The following MAML2 variants were observed in gnomAD, a reference collection of about 807,000 sequenced individuals.
MAML2 encodes mastermind-like protein 2.
Under a neutral mutation model 96.1 loss-of-function variants are expected in MAML2, and 22 were observed. That is an observed-to-expected ratio of 0.23 (90% CI 0.16 to 0.33). MAML2 has a LOEUF of 0.33. MAML2 is among the 10% of genes least tolerant of loss of function. The pLI, the probability that MAML2 is intolerant of heterozygous loss-of-function variation, is 1.00. For missense variants in MAML2, 1,367 were observed against 1,392.4 expected (o/e 0.98, Z 0.29); for synonymous variants, 561 against 521.3 (o/e 1.08, Z -1.04).
rs36084804 is a variant in MAML2 at position 96,342,193 on chromosome 11, A to AT, written c.-299dup. The AT allele has an allele frequency of 1.3e-4, 59 of 468,186 alleles. No individual in the cohort carries two copies. The highest frequency in any genetic ancestry group is 2.6e-4 in the Admixed American group (7 of 26,444). The allele number at this position is 468,186 out of a possible 1,614,324, so 29.0% of individuals were successfully genotyped here. On this transcript the variant is annotated 5_prime_UTR_variant, in exon 1 of 5. Coordinates refer to ENST00000524717, the MANE Select transcript of MAML2 (RefSeq NM_032427.4). ...TGGAGAAGTTGGACAGAGTTGGTGG[A>AT]TTTTTTTTCCTCCACCAAGCTGACA...
chr11:96,105,627 GT>G (rs1485836515), intron 1 of MAML2, among the ~76,000 whole-genome samples: 1 of 152,170 alleles, frequency 6.6e-6, no homozygotes, highest in Non-Finnish European at 1.5e-5. Flanking sequence ...TCTTTTGAAA[GT>G]TTTGAAGAAA....
chr11:96,260,540 A>T (rs1039091325), intron 1 of MAML2, among the ~76,000 whole-genome samples: 1 of 152,174 alleles, frequency 6.6e-6, no homozygotes, highest in Non-Finnish European at 1.5e-5. Flanking sequence ...AGCTTTTCTG[A>T]TAAGAGGAAC....
intron 1 of MAML2, among the ~76,000 whole-genome samples, chr11:96,283,882 G>A (rs1050383389): frequency 7.2e-5 from 11 of 152,130 alleles, no homozygotes; most frequent in African/African-American, 2.2e-4. Flanking sequence ...TCTAATGGAC[G>A]ACTTTCTTCT....
At chr11:96,187,908 G>A (rs1005609853) in intron 1 of MAML2, among the ~76,000 whole-genome samples, 2 of 152,164 alleles carry the variant, frequency 1.3e-5, no homozygotes, top group African/African-American at 4.8e-5. Flanking sequence ...CACTCCAGAA[G>A]AGGTGTCTGC....
intron 1 of MAML2, among the ~76,000 whole-genome samples, chr11:96,266,323 C>A (rs1862825804): frequency 6.6e-6 from 1 of 152,150 alleles, no homozygotes; most frequent in Non-Finnish European, 1.5e-5. Context: ...GTAATCCCAG[C>A]ACTTCGGGAG....
intron 2 of MAML2, among the ~76,000 whole-genome samples, chr11:95,994,171 G>A (rs1281172336): frequency 6.6e-6 from 1 of 152,174 alleles, no homozygotes; most frequent in Non-Finnish European, 1.5e-5. Context: ...CCTCAGGTCA[G>A]GAAGGTGGAA....
chr11:96,092,550 C>A lies in MAML2; in HGVS notation c.1481G>T (p.Ser494Ile), dbSNP rs1416350218. 20 of 1,602,418 alleles carry A rather than the reference C, an allele frequency of 1.2e-5. No individual in the cohort carries two copies. The highest frequency in any genetic ancestry group is 1.7e-5 in the Non-Finnish European group (20 of 1,172,492). The change falls in exon 2 of 5, where the codon AGC becomes ATC. Residue 494 changes from serine to isoleucine, a missense_variant. Physicochemically the swap from Ser to Ile is moderately radical, Grantham distance 142 (BLOSUM62 -2). Coordinates refer to ENST00000524717, the MANE Select transcript of MAML2 (RefSeq NM_032427.4). The surrounding 1 kb of genome is among the most constrained non-coding windows in gnomAD (Gnocchi z 4.1). ...SFGQQTFSPQ[S>I]SPMPGVAGGS... is the part of the protein sequence containing the mutation. The stretch of plus-strand genomic sequence containing the variant: ...GCCAGCTACCCCAGGCATGGGGGAG[C>A]TCTGTGGGCTGAATGTCTGCTGACC...
chr11:96,162,795 G>A (rs956917530), intron 1 of MAML2, among the ~76,000 whole-genome samples: 2 of 151,956 alleles, frequency 1.3e-5, no homozygotes, highest in Admixed American at 6.6e-5. Flanking sequence ...TAACTACCCT[G>A]AACAAGGGGG....
intron 1 of MAML2, among the ~76,000 whole-genome samples, chr11:96,111,968 T>C (rs975967356): frequency 6.6e-6 from 1 of 150,888 alleles, no homozygotes; most frequent in Admixed American, 6.6e-5. Flanking sequence ...AAAAAGAAAG[T>C]TGCTATAGTA....
Position 96,092,086 on chromosome 11 carries a change from G to A in MAML2, c.1945C>T (p.Gln649Ter), listed in dbSNP as rs557317756. 6.5e-7 allele frequency: 1 copy of A among 1,548,854 alleles called. No individual in the cohort carries two copies. Among genetic ancestry groups the A allele is most frequent in the Non-Finnish European group, 8.7e-7 (1 of 1,146,334 alleles). Reference sequence around the variant, plus strand: ...TGTTGCTGTTGTTGTTGCTGCTGCTGCTGCTGTTGTTGCTGCTGCTGCTGC... The same window carrying A: ...TGTTGCTGTTGTTGTTGCTGCTGCTACTGCTGTTGTTGCTGCTGCTGCTGC... ...QQQQQQQQQQ[Q>*]QQQQQQQQQQ... Residue 649 changes from glutamine (Q) to a stop codon, truncating the protein, a stop_gained, in exon 2 of 5, where the codon CAG (glutamine) becomes TAG (stop). Coordinates refer to ENST00000524717, the MANE Select transcript of MAML2 (RefSeq NM_032427.4). LOFTEE classifies it high-confidence loss of function. This position sits in a 1 kb window ranked among gnomAD's most constrained non-coding sequence, Gnocchi z 4.1.
At chr11:96,221,089 A>G (rs902107232) in intron 1 of MAML2, among the ~76,000 whole-genome samples, 2 of 152,210 alleles carry the variant, frequency 1.3e-5, no homozygotes, top group Admixed American at 1.3e-4. Flanking sequence ...AGTTCACAGT[A>G]TATAGTGTTA....
At chr11:96,148,657 AATACACACACAC>A (rs1860861437) in intron 1 of MAML2, among the ~76,000 whole-genome samples, 1 of 61,174 alleles carries the variant, frequency 1.6e-5, no homozygotes, top group African/African-American at 6.8e-5. Context: ...AATTCTGAAA[AATACACACACAC>A]ACACACACAC....
intron 1 of MAML2, among the ~76,000 whole-genome samples, chr11:96,175,768 T>C (rs1381209364): frequency 6.6e-6 from 1 of 152,022 alleles, no homozygotes; most frequent in Non-Finnish European, 1.5e-5. Flanking sequence ...TATTTATTTA[T>C]TTATTGTATT....
intron 1 of MAML2, among the ~76,000 whole-genome samples, chr11:96,149,340 TC>T (rs1860880112): frequency 7.1e-6 from 1 of 140,560 alleles, no homozygotes; most frequent in Non-Finnish European, 1.5e-5. Context: ...TTGCTTGAAC[TC>T]AGGAGGTGGA....
intron 2 of MAML2, among the ~76,000 whole-genome samples, chr11:96,035,929 G>T (rs1214285190): frequency 6.6e-6 from 1 of 152,120 alleles, no homozygotes; most frequent in African/African-American, 2.4e-5. Flanking sequence ...GTGAACTAAG[G>T]GTTAGGATAT....
intron 2 of MAML2, among the ~76,000 whole-genome samples, chr11:96,061,310 A>C (rs1027771747): frequency 6.6e-5 from 10 of 152,292 alleles, no homozygotes; most frequent in African/African-American, 2.4e-4. Flanking sequence ...GGATGCAGAG[A>C]TGGTGCAATT....
At chr11:96,253,674 A>C (rs1222631260) in intron 1 of MAML2, among the ~76,000 whole-genome samples, 5 of 152,198 alleles carry the variant, frequency 3.3e-5, no homozygotes, top group African/African-American at 1.2e-4. Context: ...AGAAAAGGCA[A>C]AGCTGTTCCA....
chr11:96,166,079 GCT>G (rs761941249), intron 1 of MAML2, among the ~76,000 whole-genome samples: 46 of 148,132 alleles, frequency 3.1e-4, no homozygotes, highest in African/African-American at 9.4e-4. Context: ...CATTTCTCTC[GCT>G]CTCTCTCTCT....
chr11:96,039,740 A>G (rs1590975804), intron 2 of MAML2, among the ~76,000 whole-genome samples: 1 of 152,008 alleles, frequency 6.6e-6, no homozygotes, highest in African/African-American at 2.4e-5. Flanking sequence ...AGGTCAGGAG[A>G]TCGAGACCAT....
Sources: gnomAD v4.1 joint callset for allele counts (sites outside exome capture counted in the v4.1 genomes callset) on GRCh38, gnomAD v4.1.1 for gene constraint, Gnocchi (gnomAD v3.1) non-coding constraint, MANE v1.5 for transcripts, NCBI Gene and HGNC (gene_info 2026-07-23, HGNC 2026-07-21) for gene names.